Variants in RSRC1 observed in about 807,000 individuals in gnomAD.
The protein encoded by RSRC1 is arginine and serine rich coiled-coil 1, also known as serine/Arginine-related protein 53.
A neutral mutation model predicts 49.1 loss-of-function variants in RSRC1; 39 were observed. The ratio of observed to expected loss-of-function variants is 0.79; its 90% CI spans 0.61 to 1.04. RSRC1 has a LOEUF of 1.04. Among genes scored for constraint, RSRC1 ranks in the 50% least tolerant of loss-of-function variants. RSRC1 has a pLI of 0.00. For synonymous variants in RSRC1, 143 were observed against 130.8 expected (o/e 1.09, Z -0.63); for missense variants, 388 against 402.4 (o/e 0.96, Z 0.31).
chr3:158,434,810 T>C (rs1215224533), intron 6 of RSRC1, among the ~76,000 whole-genome samples: 8 of 151,976 alleles, frequency 5.3e-5, no homozygotes, highest in Non-Finnish European at 1.2e-4. Context: ...TGAATACTTA[T>C]GCTCAATTCT....
chr3:158,371,776 C>T (rs1032200400), intron 6 of RSRC1, among the ~76,000 whole-genome samples: 5 of 151,852 alleles, frequency 3.3e-5, no homozygotes, highest in Admixed American at 6.6e-5. Context: ...TGAGAAACTG[C>T]AAACTGTTTT....
At chr3:158,267,541 T>C (rs147389359) in intron 4 of RSRC1, among the ~76,000 whole-genome samples, 1 of 151,836 alleles carries the variant, frequency 6.6e-6, no homozygotes, top group South Asian at 2.1e-4. Flanking sequence ...TTTAAAAAAA[T>C]TTTTTTTTCT....
chr3:158,160,781 T>G lies in RSRC1; in HGVS notation c.320+36790T>G, dbSNP rs557689866. Among the ~76,000 whole-genome samples, 8 of 152,292 alleles carry G rather than the reference T, an allele frequency of 5.3e-5. No homozygotes were observed. In the South Asian group the frequency reaches 1.7e-3, roughly 32 times the overall value. On this transcript the variant is annotated intron_variant, in intron 3 of 9. Transcript: ENST00000611884. ...AGAAAAATAAAATTGAAGTTAAAGTTTTTTTTAGCATCTACTCTATGCTAG... is the reference window on the plus strand; with the variant it reads ...AGAAAAATAAAATTGAAGTTAAAGTGTTTTTTAGCATCTACTCTATGCTAG...
At chr3:158,523,270 G>C (rs1392202866) in intron 7 of RSRC1, among the ~76,000 whole-genome samples, 1 of 151,928 alleles carries the variant, frequency 6.6e-6, no homozygotes, top group African/African-American at 2.4e-5. Flanking sequence ...TCAACATAAA[G>C]TAGTAGGAGC....
chr3:158,130,049 C>G (rs944341515), intron 3 of RSRC1, among the ~76,000 whole-genome samples: 1 of 152,174 alleles, frequency 6.6e-6, no homozygotes, highest in Non-Finnish European at 1.5e-5. Flanking sequence ...TCTTACAGTT[C>G]TGGTGCCTGG....
rs146310792 is a variant in RSRC1 at position 158,129,146 on chromosome 3, A to G, written c.320+5155A>G. ...CCTCAACCTTTCACTTACTAACTTT[A>G]GCATCTCTCAGTGGTTTTTTTCTGT... On this transcript the variant is annotated intron_variant, in intron 3 of 9. Coordinates refer to ENST00000611884, the MANE Select transcript of RSRC1 (RefSeq NM_001271838.2). Among the ~76,000 whole-genome samples the G allele has an allele frequency of 4.0e-4, 61 of 151,832 alleles. No individual in the cohort carries two copies. In the East Asian group the frequency reaches 0.012, roughly 29 times the overall value.
At position 158,362,499 on chromosome 3, in the gene RSRC1, A is replaced by T. The variant is rs551103562; in HGVS notation, c.583+7591A>T. Among the ~76,000 whole-genome samples the T allele has an allele frequency of 3.9e-5, 6 of 152,338 alleles. No individual in the cohort carries two copies. The South Asian group carries it at 1.2e-3, about 32-fold the overall frequency. On this transcript the variant is annotated intron_variant, in intron 6 of 9. Transcript: ENST00000611884. ...ATCTAGCTGTCTGAAAAACATTTAG[A>T]TGCTGATGTGCTCATTTTAACTGCT...
intron 4 of RSRC1, among the ~76,000 whole-genome samples, chr3:158,263,453 T>A (rs1049629026): frequency 2.2e-4 from 33 of 152,296 alleles, no homozygotes; most frequent in African/African-American, 7.7e-4. Context: ...TTTTTGCTTC[T>A]GTTTTTATTT....
At chr3:158,298,139 TTTTGAATGAGC>T in intron 5 of RSRC1, 64 bp downstream of exon 5, 1 of 1,189,074 alleles carries the variant, frequency 8.4e-7, no homozygotes, top group Non-Finnish European at 1.3e-6. Flanking sequence ...AAATGAACAC[TTTTGAATGAGC>T]TTTGAATACT....
At chr3:158,344,436 A>G (rs1730437190) in intron 5 of RSRC1, among the ~76,000 whole-genome samples, 1 of 152,232 alleles carries the variant, frequency 6.6e-6, no homozygotes, top group South Asian at 2.1e-4. Context: ...GAAACAATGC[A>G]AACCACAGAC....
chr3:158,278,459 G>A (rs762693471), intron 4 of RSRC1, among the ~76,000 whole-genome samples: 16 of 152,110 alleles, frequency 1.1e-4, no homozygotes, highest in Non-Finnish European at 1.9e-4. Flanking sequence ...ATATTCTCAT[G>A]TTCTATGCAT....
chr3:158,376,785 T>TCAG (rs1732400338), intron 6 of RSRC1, among the ~76,000 whole-genome samples: 1 of 152,212 alleles, frequency 6.6e-6, no homozygotes, highest in Admixed American at 6.5e-5. Context: ...TTAAATACAA[T>TCAG]CAGCACCTAT....
intron 4 of RSRC1, among the ~76,000 whole-genome samples, chr3:158,225,016 A>C (rs1316831887): frequency 6.6e-6 from 1 of 151,910 alleles, no homozygotes. Flanking sequence ...GAGGTTTTTG[A>C]AGTACCAATC....
intron 6 of RSRC1, among the ~76,000 whole-genome samples, chr3:158,398,032 A>T (rs940396454): frequency 6.6e-6 from 1 of 152,062 alleles, no homozygotes; most frequent in Non-Finnish European, 1.5e-5. Context: ...GGAATGGGGT[A>T]TAAGACAGAA....
At chr3:158,533,045 T>C (rs1712491467) in intron 7 of RSRC1, among the ~76,000 whole-genome samples, 1 of 151,784 alleles carries the variant, frequency 6.6e-6, no homozygotes, top group South Asian at 2.1e-4. Flanking sequence ...TATATATTAT[T>C]GATATGTTTT....
At chr3:158,134,006 A>G (rs1716199969) in intron 3 of RSRC1, among the ~76,000 whole-genome samples, 1 of 152,216 alleles carries the variant, frequency 6.6e-6, no homozygotes, top group South Asian at 2.1e-4. Flanking sequence ...CTGTGACAGG[A>G]TATGAAGAAA....
chr3:158,343,704 G>A (rs748097133), intron 5 of RSRC1, among the ~76,000 whole-genome samples: 6 of 152,114 alleles, frequency 3.9e-5, no homozygotes, highest in East Asian at 1.9e-4. Flanking sequence ...GAGATTAGGG[G>A]ATATGATACA....
rs1415739562 is a variant in RSRC1 at position 158,417,601 on chromosome 3, G to T, written c.584-43334G>T. Reference sequence around the variant, plus strand: ...TGCAAATTTTATAGTGCATCTGAATGATTGGGTAGAGGAACTTAAATTAGC... The same window carrying T: ...TGCAAATTTTATAGTGCATCTGAATTATTGGGTAGAGGAACTTAAATTAGC... On this transcript the variant is annotated intron_variant, in intron 6 of 9. Transcript: ENST00000611884. Among the ~76,000 whole-genome samples the T allele has an allele frequency of 3.3e-5, 5 of 152,032 alleles. No individual in the cohort carries two copies. In the East Asian group the frequency reaches 9.7e-4, roughly 30 times the overall value.
chr3:158,420,022 C>G (rs1009591405), intron 6 of RSRC1, among the ~76,000 whole-genome samples: 2 of 151,840 alleles, frequency 1.3e-5, no homozygotes, highest in Non-Finnish European at 2.9e-5. Flanking sequence ...CTCTCTCCCC[C>G]CACTTCCTCC....
Sources: allele counts gnomAD v4.1 joint callset (sites outside exome capture counted in the v4.1 genomes callset), GRCh38; gene constraint gnomAD v4.1.1; transcripts MANE v1.5; gene names NCBI Gene and HGNC (gene_info 2026-07-23, HGNC 2026-07-21).